PXDNL: variants seen among roughly 807,000 people sequenced by gnomAD.
The protein encoded by PXDNL is peroxidasin like.
A neutral mutation model predicts 150.8 loss-of-function variants in PXDNL; 145 were observed. The ratio of observed to expected loss-of-function variants is 0.96; its 90% CI spans 0.84 to 1.10. The LOEUF (loss-of-function observed/expected upper bound fraction) is 1.10, where lower values mean the gene tolerates loss of function less well. Among genes scored for constraint, PXDNL ranks in the 50% least tolerant of loss-of-function variants. PXDNL has a pLI of 0.00. For synonymous variants in PXDNL, 757 were observed against 725.7 expected, an observed-to-expected ratio of 1.04 and a Z score of -0.69; for missense variants, 2,087 against 1,873.9, an observed-to-expected ratio of 1.11 and a Z score of -2.10.
chr8:51,567,750 G>T (rs575739995), intron 3 of PXDNL, among the ~76,000 whole-genome samples: 9 of 151,618 alleles, frequency 5.9e-5, no homozygotes, highest in African/African-American at 2.2e-4. Context: ...GACCTCTCGA[G>T]GACACCAAAA....
chr8:51,790,001 A>C (rs1275796680), intron 1 of PXDNL, among the ~76,000 whole-genome samples: 44 of 152,188 alleles, frequency 2.9e-4, no homozygotes, highest in Non-Finnish European at 1.5e-5. Flanking sequence ...AAGATGTAAC[A>C]AGACTTACAG....
At chr8:51,477,621 A>G (rs1302203063) in intron 6 of PXDNL, among the ~76,000 whole-genome samples, 3 of 152,244 alleles carry the variant, frequency 2.0e-5, no homozygotes, top group Non-Finnish European at 4.4e-5. Context: ...GGAACATGCA[A>G]GAACTTACTC....
intron 1 of PXDNL, among the ~76,000 whole-genome samples, chr8:51,727,478 A>G (rs1816836577): frequency 6.6e-6 from 1 of 152,190 alleles, no homozygotes; most frequent in African/African-American, 2.4e-5. Flanking sequence ...ACAATTGTCT[A>G]CTGTTGCAGG....
chr8:51,723,431 G>A (rs1267565635), intron 1 of PXDNL, among the ~76,000 whole-genome samples: 1 of 152,198 alleles, frequency 6.6e-6, no homozygotes, highest in African/African-American at 2.4e-5. Context: ...GCCGTATCAG[G>A]TAAAAGAGAC....
In PXDNL at chr8:51,549,612, T is replaced by C. The variant is rs148609618; in HGVS notation, c.380+7228A>G. On this transcript the variant is annotated intron_variant, in intron 4 of 22. Transcript: ENST00000356297. ...GGTCAAAATTAAATCAAGATGGAAA[T>C]TGAAAAATTGTTCAAACTGAATGAT... Among the ~76,000 whole-genome samples, 73 of 152,174 alleles carry C rather than the reference T, an allele frequency of 4.8e-4. 2 individuals are homozygous for C. The highest frequency in any genetic ancestry group is 1.7e-3 in the African/African-American group (71 of 41,542).
At chr8:51,617,911 C>T (rs1035367189) in intron 2 of PXDNL, among the ~76,000 whole-genome samples, 1 of 152,234 alleles carries the variant, frequency 6.6e-6, no homozygotes, top group African/African-American at 2.4e-5. Context: ...CACAAACACA[C>T]ATGCATGCAG....
chr8:51,624,349 G>A (rs1814322684), intron 2 of PXDNL, among the ~76,000 whole-genome samples: 1 of 152,006 alleles, frequency 6.6e-6, no homozygotes, highest in Non-Finnish European at 1.5e-5. Context: ...TAAGTCAGGT[G>A]TTGTTTTGTT....
intron 3 of PXDNL, among the ~76,000 whole-genome samples, chr8:51,587,602 A>G (rs1182353008): frequency 6.6e-6 from 1 of 152,186 alleles, no homozygotes. Flanking sequence ...CCTCCTGAAT[A>G]TACAAGCACT....
At position 51,613,035 on chromosome 8, in the gene PXDNL, C is replaced by T. The variant is rs548307011; in HGVS notation, c.237-20337G>A. Among the ~76,000 whole-genome samples the T allele has an allele frequency of 1.3e-4, 20 of 152,118 alleles. No homozygotes were observed. The East Asian group carries it at 2.9e-3, about 22-fold the overall frequency. On this transcript the variant is annotated intron_variant, in intron 2 of 22. Coordinates refer to ENST00000356297, the MANE Select transcript of PXDNL (RefSeq NM_144651.5). Reference sequence around the variant, plus strand: ...TACTGCTGCGATGTAAGGCAGATGCCGCAAGGACCTAAACTAAGACTGCAG... The same window carrying T: ...TACTGCTGCGATGTAAGGCAGATGCTGCAAGGACCTAAACTAAGACTGCAG...
intron 2 of PXDNL, among the ~76,000 whole-genome samples, chr8:51,624,014 G>A (rs1246348690): frequency 6.8e-6 from 1 of 146,632 alleles, no homozygotes; most frequent in Non-Finnish European, 1.5e-5. Flanking sequence ...GATCACTTGA[G>A]TCTGGGAGGT....
At position 51,447,981 on chromosome 8, in the gene PXDNL, G is replaced by A. The variant is rs998530130; in HGVS notation, c.1367-819C>T. On this transcript the variant is annotated intron_variant, in intron 11 of 22. Coordinates refer to ENST00000356297, the MANE Select transcript of PXDNL (RefSeq NM_144651.5). Reference sequence around the variant, plus strand: ...TTAACAGGTTTGCTCAAGGTCACATGATAAGCAAATGGAGGAGTGGAGATG... The same window carrying A: ...TTAACAGGTTTGCTCAAGGTCACATAATAAGCAAATGGAGGAGTGGAGATG... Among the ~76,000 whole-genome samples the A allele has an allele frequency of 1.1e-4, 17 of 152,300 alleles. 1 individual carries two copies. The South Asian group carries it at 1.2e-3, about 11-fold the overall frequency.
intron 1 of PXDNL, among the ~76,000 whole-genome samples, chr8:51,699,874 G>T (rs1816215592): frequency 1.3e-5 from 2 of 152,098 alleles, no homozygotes; most frequent in Non-Finnish European, 1.5e-5. Flanking sequence ...TGTCAGTTAA[G>T]TTCACCATCC....
At chr8:51,598,730 G>A (rs752828668) in intron 2 of PXDNL, among the ~76,000 whole-genome samples, 17 of 152,136 alleles carry the variant, frequency 1.1e-4, no homozygotes, top group South Asian at 6.2e-4. Flanking sequence ...CTAGATGTGC[G>A]TATCTAGGTG....
chr8:51,771,750 G>C (rs1274342315), intron 1 of PXDNL, among the ~76,000 whole-genome samples: 2 of 152,162 alleles, frequency 1.3e-5, no homozygotes, highest in Middle Eastern at 3.2e-3. Context: ...GAGAGACAGA[G>C]AGAAAGAGAC....
chr8:51,570,238 G>A (rs933667361), intron 3 of PXDNL, among the ~76,000 whole-genome samples: 1 of 150,628 alleles, frequency 6.6e-6, no homozygotes. Flanking sequence ...CTAACTGGAG[G>A]GGAAAACATG....
At chr8:51,508,077 G>A (rs1811330269) in intron 4 of PXDNL, among the ~76,000 whole-genome samples, 1 of 152,144 alleles carries the variant, frequency 6.6e-6, no homozygotes, top group Admixed American at 6.5e-5. Flanking sequence ...GCAAAGTGAG[G>A]AAGACCCTGC....
intron 1 of PXDNL, among the ~76,000 whole-genome samples, chr8:51,740,118 C>T (rs752977190): frequency 1.2e-4 from 18 of 151,822 alleles, no homozygotes; most frequent in Admixed American, 6.5e-5. Flanking sequence ...GATGTTACTA[C>T]GTCCCAAATC....
chr8:51,765,635 CTAAT>C lies in PXDNL; in HGVS notation c.164+43542_164+43545del, dbSNP rs1405093274. On this transcript the variant is annotated intron_variant, in intron 1 of 22. Transcript: ENST00000356297. Reference sequence around the variant, plus strand: ...TTAAATGTTTAATCCATTTGTATTACTAATTAACACAACTATTAATAAGGTGGAA... The same window carrying C: ...TTAAATGTTTAATCCATTTGTATTACTAACACAACTATTAATAAGGTGGAA... Among the ~76,000 whole-genome samples, 6 of 152,128 alleles carry C rather than the reference CTAAT, an allele frequency of 3.9e-5. No homozygotes were observed. In the East Asian group the frequency reaches 1.2e-3, roughly 29 times the overall value.
intron 17 of PXDNL, among the ~76,000 whole-genome samples, chr8:51,399,278 AT>A (rs1808176744): frequency 6.6e-6 from 1 of 152,218 alleles, no homozygotes; most frequent in East Asian, 1.9e-4. Flanking sequence ...AAAGACGTGC[AT>A]GTAAGAGTTC....
Sources: allele counts gnomAD v4.1 joint callset (sites outside exome capture counted in the v4.1 genomes callset), GRCh38; gene constraint gnomAD v4.1.1; transcripts MANE v1.5; gene names NCBI Gene and HGNC (gene_info 2026-07-23, HGNC 2026-07-21).